Variants in ANGPT1 observed in about 807,000 individuals in gnomAD.
ANGPT1 encodes angiopoietin-1.
In ANGPT1, 17 loss-of-function variants were observed where a neutral mutation model predicts 62.2. The observed-to-expected ratio is 0.27, with a 90% CI of 0.19 to 0.41. The LOEUF (loss-of-function observed/expected upper bound fraction) is 0.41, where lower values mean the gene tolerates loss of function less well. ANGPT1 is among the 10% of genes least tolerant of loss of function. ANGPT1 has a pLI of 1.00. For synonymous variants in ANGPT1, 199 were observed against 198.9 expected (o/e 1.00, Z 0.00); for missense variants, 478 against 594.9 (o/e 0.80, Z 2.04).
At chr8:107,430,405 G>A (rs950264361) in intron 1 of ANGPT1, among the ~76,000 whole-genome samples, 5 of 152,134 alleles carry the variant, frequency 3.3e-5, no homozygotes, top group African/African-American at 1.2e-4. Flanking sequence ...TCACATGGCT[G>A]ACTCCCAACT....
At chr8:107,446,709 G>A (rs891371600) in intron 1 of ANGPT1, among the ~76,000 whole-genome samples, 1 of 152,160 alleles carries the variant, frequency 6.6e-6, no homozygotes, top group Admixed American at 6.5e-5. Flanking sequence ...AAATGCATTG[G>A]AATATGGAAA....
At chr8:107,263,114 G>C (rs1026614462) in intron 8 of ANGPT1, among the ~76,000 whole-genome samples, 1 of 141,012 alleles carries the variant, frequency 7.1e-6, no homozygotes, top group African/African-American at 2.7e-5. Context: ...AGCACTTTGG[G>C]AGAGCAAGGT....
At chr8:107,393,586 G>A (rs1011733789) in intron 1 of ANGPT1, among the ~76,000 whole-genome samples, 1 of 152,166 alleles carries the variant, frequency 6.6e-6, no homozygotes, top group Non-Finnish European at 1.5e-5. Flanking sequence ...GAGGCCAGTG[G>A]ATCACCTGAG....
rs578124528 is a variant in ANGPT1 at position 107,264,917 on chromosome 8, C to T, written c.1206-566G>A. ...GAATTTAGCTGGTATGAGTCTAAAACTCAAGCTTTGAATCATTATGCATTC... is the reference window on the plus strand; with the variant it reads ...GAATTTAGCTGGTATGAGTCTAAAATTCAAGCTTTGAATCATTATGCATTC... On this transcript the variant is annotated intron_variant, in intron 7 of 8. Coordinates refer to ENST00000517746, the MANE Select transcript of ANGPT1 (RefSeq NM_001146.5). 3.3e-5 allele frequency among the ~76,000 whole-genome samples: 5 copies of T among 152,272 alleles called. No homozygotes were observed. In the South Asian group the frequency reaches 8.3e-4, roughly 25 times the overall value.
At chr8:107,302,961 T>C (rs778872025) in intron 5 of ANGPT1, among the ~76,000 whole-genome samples, 20 of 151,828 alleles carry the variant, frequency 1.3e-4, no homozygotes, top group Non-Finnish European at 2.7e-4. Context: ...CAACATGTAA[T>C]CTGTACAAGG....
intron 1 of ANGPT1, among the ~76,000 whole-genome samples, chr8:107,474,068 T>A (rs1812438300): frequency 6.6e-6 from 1 of 151,934 alleles, no homozygotes; most frequent in South Asian, 2.1e-4. Context: ...AAAGAGGGAA[T>A]CCAAAGTAAC....
At chr8:107,392,927 C>G (rs1450614996) in intron 1 of ANGPT1, among the ~76,000 whole-genome samples, 1 of 152,128 alleles carries the variant, frequency 6.6e-6, no homozygotes, top group African/African-American at 2.4e-5. Flanking sequence ...TCTGGTCTCT[C>G]TGTTTCATTC....
chr8:107,494,170 G>A (rs974647399), intron 1 of ANGPT1, among the ~76,000 whole-genome samples: 32 of 152,214 alleles, frequency 2.1e-4, no homozygotes, highest in Admixed American at 1.9e-3. Context: ...ATCTTCTAAG[G>A]ATTCCCCAAA....
chr8:107,490,416 T>C (rs930838222), intron 1 of ANGPT1, among the ~76,000 whole-genome samples: 153 of 152,312 alleles, frequency 1.0e-3, no homozygotes, highest in African/African-American at 3.5e-3. Flanking sequence ...TTCCCTGTTC[T>C]TGTGATGATG....
chr8:107,256,037 T>C (rs1813349735), intron 8 of ANGPT1, among the ~76,000 whole-genome samples: 1 of 152,238 alleles, frequency 6.6e-6, no homozygotes, highest in African/African-American at 2.4e-5. Context: ...GTTCCTAATT[T>C]TTTTAAATGT....
chr8:107,345,718 A>G (rs1815790011), intron 2 of ANGPT1, among the ~76,000 whole-genome samples: 1 of 152,158 alleles, frequency 6.6e-6, no homozygotes, highest in Non-Finnish European at 1.5e-5. Flanking sequence ...ATATTATCAA[A>G]CTTACTGTGA....
intron 1 of ANGPT1, among the ~76,000 whole-genome samples, chr8:107,359,071 T>G (rs911613456): frequency 2.0e-5 from 3 of 152,204 alleles, no homozygotes; most frequent in African/African-American, 7.2e-5. Flanking sequence ...TTCTTCATTC[T>G]CTTATTTTTA....
At chr8:107,351,241 C>T (rs1215549648) in intron 1 of ANGPT1, among the ~76,000 whole-genome samples, 1 of 151,624 alleles carries the variant, frequency 6.6e-6, no homozygotes, top group Non-Finnish European at 1.5e-5. Flanking sequence ...TGATTACTTT[C>T]AAGCAAAAAA....
At chr8:107,468,186 G>T (rs78534877) in intron 1 of ANGPT1, among the ~76,000 whole-genome samples, 2 of 151,970 alleles carry the variant, frequency 1.3e-5, no homozygotes, top group Admixed American at 6.6e-5. Flanking sequence ...GAACTGTTAC[G>T]AACAGAATCT....
At chr8:107,465,016 T>C (rs1812166187) in intron 1 of ANGPT1, among the ~76,000 whole-genome samples, 1 of 152,102 alleles carries the variant, frequency 6.6e-6, no homozygotes, top group Non-Finnish European at 1.5e-5. Flanking sequence ...AAGGTAGTTA[T>C]AATATAGTTA....
intron 6 of ANGPT1, among the ~76,000 whole-genome samples, chr8:107,289,344 T>G (rs551823545): frequency 3.9e-5 from 6 of 152,276 alleles, no homozygotes; most frequent in Middle Eastern, 3.4e-3. Flanking sequence ...GTTAATAAAA[T>G]AATTGTCTCT....
At chr8:107,405,454 A>G (rs1817131239) in intron 1 of ANGPT1, among the ~76,000 whole-genome samples, 1 of 152,020 alleles carries the variant, frequency 6.6e-6, no homozygotes, top group Non-Finnish European at 1.5e-5. Flanking sequence ...CACAAATGAA[A>G]AATTCCACAT....
chr8:107,333,869 T>A (rs1323192804), intron 3 of ANGPT1, among the ~76,000 whole-genome samples: 1 of 146,322 alleles, frequency 6.8e-6, no homozygotes, highest in Non-Finnish European at 1.5e-5. Context: ...GACAAGAAAA[T>A]CTGAAATGAT....
In ANGPT1 at chr8:107,284,763, A is replaced by G. The variant is rs1814098405; in HGVS notation, c.1124T>C (p.Ile375Thr). The change falls in exon 7 of 9, where the codon ATT becomes ACT. Residue 375 changes from isoleucine to threonine, a missense_variant. Coordinates refer to ENST00000517746, the MANE Select transcript of ANGPT1 (RefSeq NM_001146.5). ...GTTCCCTTCCCAGTCCATTAACTCA[A>G]TTCTTAGCATGTACTGCCTCTGACT... The part of the protein sequence containing the change: ...ITSQRQYMLR[I>T]ELMDWEGNRA... The G allele has an allele frequency of 3.7e-6, 6 of 1,612,106 alleles. No homozygotes were observed. The highest frequency in any genetic ancestry group is 1.1e-5 in the South Asian group (1 of 90,816).
Sources: gnomAD v4.1 joint callset for allele counts (sites outside exome capture counted in the v4.1 genomes callset) on GRCh38, gnomAD v4.1.1 for gene constraint, MANE v1.5 for transcripts, NCBI Gene and HGNC (gene_info 2026-07-23, HGNC 2026-07-21) for gene names.